The following BANF2 variants were observed in gnomAD, a reference collection of about 807,000 sequenced individuals.
BANF2 encodes BANF family member 2, also known as barrier-to-autointegration factor-like protein.
BANF2 carries 4 observed loss-of-function variants against 8.0 expected under a neutral mutation model. That is an observed-to-expected ratio of 0.50 (90% confidence interval 0.25 to 1.14). The LOEUF (loss-of-function observed/expected upper bound fraction) is 1.14, where lower values mean the gene tolerates loss of function less well. Ranked by LOEUF, BANF2 falls within the 50% of genes most tolerant of loss-of-function variation. BANF2 has a pLI of 0.16. For synonymous variants in BANF2, 50 were observed against 40.6 expected, an observed-to-expected ratio of 1.23 and a Z score of -0.88; for missense variants, 96 against 107.5, an observed-to-expected ratio of 0.89 and a Z score of 0.47.
chr20:17,718,359 C>A (rs1436862737), intron 1 of BANF2, among the ~76,000 whole-genome samples: 1 of 152,172 alleles, frequency 6.6e-6, no homozygotes, highest in Non-Finnish European at 1.5e-5. Context: ...CGCCCACCAC[C>A]ATGCCTGGCT....
chr20:17,714,950 T>C (rs2037629501), intron 1 of BANF2, among the ~76,000 whole-genome samples: 1 of 152,220 alleles, frequency 6.6e-6, no homozygotes. Context: ...TTAGGGATTG[T>C]GGACCTGTAT....
At chr20:17,727,849 C>T (rs1263128863) in intron 3 of BANF2, among the ~76,000 whole-genome samples, 2 of 152,140 alleles carry the variant, frequency 1.3e-5, no homozygotes, top group East Asian at 3.9e-4. Context: ...GGCGCAGCCT[C>T]CACCTCAGCC....
chr20:17,735,123 G>C (rs553597756), intron 3 of BANF2, among the ~76,000 whole-genome samples: 1 of 151,836 alleles, frequency 6.6e-6, no homozygotes, highest in Non-Finnish European at 1.5e-5. Context: ...GAAAAGAAAA[G>C]AGAAGAAAAG....
chr20:17,731,653 G>A (rs1212379716), intron 3 of BANF2: 2 of 151,208 alleles, frequency 1.3e-5, no homozygotes, highest in East Asian at 3.9e-4. Flanking sequence ...CTACTCGGGA[G>A]GCTGAGGTGG....
At chr20:17,704,860 C>T (rs976811394) in intron 1 of BANF2, among the ~76,000 whole-genome samples, 7 of 152,162 alleles carry the variant, frequency 4.6e-5, no homozygotes, top group African/African-American at 1.4e-4. Flanking sequence ...TTGCCAGGAT[C>T]GCTCTGACAG....
intron 3 of BANF2, 63 bp from the exon 4 acceptor site, chr20:17,735,602 G>A: frequency 5.9e-6 from 9 of 1,534,958 alleles, no homozygotes; most frequent in Middle Eastern, 1.7e-4. Flanking sequence ...GGAAGGAAGA[G>A]CGCGTCTGAG....
rs148332511 is a variant in BANF2 at position 17,703,528 on chromosome 20, G to A, written c.-167+3473G>A. 7.9e-5 allele frequency among the ~76,000 whole-genome samples: 12 copies of A among 152,274 alleles called. No homozygotes were observed. The East Asian group carries it at 2.1e-3, about 27-fold the overall frequency. On this transcript the variant is annotated intron_variant, in intron 1 of 3. Transcript: ENST00000246090. ...CAGCGGCCTAGAACAGCAAAGATTC[G>A]TATTTCTTCCAATTCTCTGGGTCTG...
intron 1 of BANF2, 23 bp from the exon 2 acceptor site, chr20:17,722,693 A>G (rs2037749845): frequency 1.0e-6 from 1 of 978,178 alleles, no homozygotes; most frequent in African/African-American, 1.8e-5. Context: ...ACAACCTCTC[A>G]TGTCTTTTGC....
chr20:17,728,507 T>C (rs1301658651), intron 3 of BANF2, among the ~76,000 whole-genome samples: 1 of 152,120 alleles, frequency 6.6e-6, no homozygotes, highest in East Asian at 1.9e-4. Context: ...AGCCCCTACA[T>C]TGAGTACCTT....
chr20:17,702,264 T>C (rs2037420035), intron 1 of BANF2, among the ~76,000 whole-genome samples: 1 of 152,212 alleles, frequency 6.6e-6, no homozygotes, highest in African/African-American at 2.4e-5. Context: ...TTCCAGCTCC[T>C]CTTGGACGTT....
rs568502853 is a variant in BANF2 at position 17,708,717 on chromosome 20, T to C, written c.-167+8662T>C. ...TGCAACCCGTGATTTGAACTTTTAA[T>C]AGATGCTCAAAGGGTGGCTGATTTT... On this transcript the variant is annotated intron_variant, in intron 1 of 3. Transcript: ENST00000246090. Among the ~76,000 whole-genome samples, 6 of 152,328 alleles carry C rather than the reference T, an allele frequency of 3.9e-5. No individual in the cohort carries two copies. In the South Asian group the frequency reaches 1.2e-3, roughly 32 times the overall value.
At position 17,721,394 on chromosome 20, in the gene BANF2, CTTTCTTTT is replaced by C. The variant is rs1187777712; in HGVS notation, c.-166-1318_-166-1311del. Among the ~76,000 whole-genome samples the C allele has an allele frequency of 2.3e-5, 3 of 129,358 alleles. No individual in the cohort carries two copies. In the South Asian group the frequency reaches 7.1e-4, roughly 30 times the overall value. 84.9% of individuals were successfully genotyped at this position (129,358 alleles called of 152,430 possible). ...TTTTTTTCTTTTTCTTTCTTTCTTT[CTTTCTTTT>C]TTTTTTTAAGACGGAGTCTCGCTCT... On this transcript the variant is annotated intron_variant, in intron 1 of 3. Coordinates refer to ENST00000246090, the MANE Select transcript of BANF2 (RefSeq NM_178477.5).
intron 1 of BANF2, among the ~76,000 whole-genome samples, chr20:17,702,829 T>C (rs969900908): frequency 5.9e-5 from 9 of 152,178 alleles, no homozygotes; most frequent in Non-Finnish European, 8.8e-5. Context: ...TCTGTCTCTG[T>C]GTTGTCTCAT....
upstream of BANF2, among the ~76,000 whole-genome samples, chr20:17,695,480 A>T (rs8123578): frequency 0.83 from 114,687 of 137,878 alleles, 48,385 homozygotes; most frequent in East Asian, 0.94. Context: ...GTAGAGTCGC[A>T]TAGGTAAAAT....
At chr20:17,715,265 G>A (rs1259867510) in intron 1 of BANF2, among the ~76,000 whole-genome samples, 12 of 152,180 alleles carry the variant, frequency 7.9e-5, no homozygotes, top group Non-Finnish European at 5.9e-5. Flanking sequence ...CTTATGGCTA[G>A]TACACCGTGT....
chr20:17,703,203 C>A (rs576285036), intron 1 of BANF2, among the ~76,000 whole-genome samples: 18 of 152,320 alleles, frequency 1.2e-4, no homozygotes, highest in African/African-American at 3.8e-4. Flanking sequence ...CTTCCCTATT[C>A]TACCTAATTG....
chr20:17,695,185 T>C (rs1008869920), upstream of BANF2, among the ~76,000 whole-genome samples: 2 of 151,870 alleles, frequency 1.3e-5, no homozygotes, highest in African/African-American at 2.4e-5. Flanking sequence ...CTGGGTGTGA[T>C]GGTGTAATCC....
chr20:17,694,616 T>C (rs1325227009), intron 1 of BANF2, among the ~76,000 whole-genome samples: 1 of 90,374 alleles, frequency 1.1e-5, no homozygotes, highest in African/African-American at 3.3e-5. Flanking sequence ...TTTTTTTTTT[T>C]TTTTTTTTTT....
chr20:17,709,924 G>T lies in BANF2; in HGVS notation c.-167+9869G>T, dbSNP rs1244437151. Among the ~76,000 whole-genome samples, 3 of 152,328 alleles carry T rather than the reference G, an allele frequency of 2.0e-5. No homozygotes were observed. The South Asian group carries it at 6.2e-4, about 32-fold the overall frequency. ...CAGTTGCTGACCTGATCATCTAATT[G>T]CAGTGCAAGTAGTTGATATGGAAAG... On this transcript the variant is annotated intron_variant, in intron 1 of 3. Coordinates refer to ENST00000246090, the MANE Select transcript of BANF2 (RefSeq NM_178477.5).
Sources: allele counts gnomAD v4.1 joint callset (sites outside exome capture counted in the v4.1 genomes callset), GRCh38; gene constraint gnomAD v4.1.1; transcripts MANE v1.5; gene names NCBI Gene and HGNC (gene_info 2026-07-23, HGNC 2026-07-21).